The following MRPL48 variants were observed in gnomAD, a reference collection of about 807,000 sequenced individuals.
MRPL48 encodes the protein large ribosomal subunit protein mL48.
A neutral mutation model predicts 32.9 loss-of-function variants in MRPL48; 16 were observed. The ratio of observed to expected loss-of-function variants is 0.49; its 90% CI spans 0.33 to 0.74. MRPL48 has a LOEUF of 0.74. MRPL48 is among the 30% of genes least tolerant of loss of function. The pLI, the probability that MRPL48 is intolerant of heterozygous loss-of-function variation, is 0.02. For missense variants in MRPL48, 206 were observed against 245.3 expected, an observed-to-expected ratio of 0.84 and a Z score of 1.07; for synonymous variants, 94 against 89.2, an observed-to-expected ratio of 1.05 and a Z score of -0.31.
At chr11:73,818,648 G>C (rs1468584097) in intron 3 of MRPL48, among the ~76,000 whole-genome samples, 2 of 152,212 alleles carry the variant, frequency 1.3e-5, no homozygotes, top group South Asian at 2.1e-4. Flanking sequence ...CTGTTGAGTG[G>C]AGAGAATAAC....
chr11:73,856,415 C>T (rs982545949), intron 5 of MRPL48, among the ~76,000 whole-genome samples: 16 of 152,156 alleles, frequency 1.1e-4, no homozygotes, highest in African/African-American at 3.9e-4. Flanking sequence ...AGCTTTTGTT[C>T]TCTAAGTGGT....
At chr11:73,831,129 C>T (rs946649084) in intron 4 of MRPL48, among the ~76,000 whole-genome samples, 10 of 152,178 alleles carry the variant, frequency 6.6e-5, no homozygotes, top group Admixed American at 2.6e-4. Context: ...CATGAGCCAC[C>T]GTGCCCAGCC....
intron 5 of MRPL48, among the ~76,000 whole-genome samples, chr11:73,849,815 G>C (rs1948357974): frequency 6.6e-6 from 1 of 152,164 alleles, no homozygotes; most frequent in South Asian, 2.1e-4. Context: ...AAGAAATCAA[G>C]GCTTGGGCAC....
chr11:73,811,772 C>A (rs1250594612), intron 3 of MRPL48, among the ~76,000 whole-genome samples: 1 of 151,908 alleles, frequency 6.6e-6, no homozygotes, highest in Non-Finnish European at 1.5e-5. Context: ...ACTTTTGCAC[C>A]AACCTAATAC....
chr11:73,831,707 G>A (rs995252364), intron 4 of MRPL48, among the ~76,000 whole-genome samples: 30 of 152,038 alleles, frequency 2.0e-4, no homozygotes, highest in Admixed American at 1.6e-3. Flanking sequence ...TTGGGAGGCC[G>A]AGGGGGGAGG....
At chr11:73,840,538 C>G (rs111297260) in intron 4 of MRPL48, among the ~76,000 whole-genome samples, 12,071 of 152,200 alleles carry the variant, frequency 0.079, 618 homozygotes, top group East Asian at 0.18. Flanking sequence ...CTCGCTCTGT[C>G]ACCCAGGCTA....
At position 73,790,367 on chromosome 11, in the gene MRPL48, A is replaced by AC. The variant is rs1947127993; in HGVS notation, c.21+2378dup. On this transcript the variant is annotated intron_variant, in intron 1 of 7. Transcript: ENST00000310614. ...TGGGATTACAGGTGTGAGCCACCGC[A>AC]CCCGGCCTTTTTTTTTTTTTTTTTT... is the stretch of plus-strand genomic sequence containing the variant. 4.2e-5 allele frequency among the ~76,000 whole-genome samples: 3 copies of AC among 71,026 alleles called. No homozygotes were observed. The South Asian group carries it at 1.6e-3, about 39-fold the overall frequency. The allele number at this position is 71,026 out of a possible 152,430, so 46.6% of individuals were successfully genotyped here. A position where few individuals can be genotyped will look rare whatever the true frequency, so the allele number is the denominator to read the frequency against.
intron 1 of MRPL48, among the ~76,000 whole-genome samples, chr11:73,800,254 A>G (rs2134949714): frequency 6.6e-6 from 1 of 152,258 alleles, no homozygotes; most frequent in East Asian, 1.9e-4. Flanking sequence ...AAAAAAAAAA[A>G]ATTAAAAAGA....
intron 3 of MRPL48, among the ~76,000 whole-genome samples, chr11:73,819,467 A>G (rs999426418): frequency 2.0e-5 from 3 of 152,144 alleles, no homozygotes; most frequent in Non-Finnish European, 2.9e-5. Flanking sequence ...AAAACGTTTT[A>G]TTATATATTG....
At chr11:73,847,645 C>T (rs1442643615) in intron 5 of MRPL48, among the ~76,000 whole-genome samples, 2 of 152,070 alleles carry the variant, frequency 1.3e-5, no homozygotes, top group South Asian at 2.1e-4. Flanking sequence ...GGGGTTTCAC[C>T]GTGTTAGCCA....
intron 3 of MRPL48, among the ~76,000 whole-genome samples, chr11:73,810,464 T>G (rs955359512): frequency 3.3e-5 from 5 of 151,832 alleles, no homozygotes; most frequent in Non-Finnish European, 5.9e-5. Flanking sequence ...GAGGTTGCAG[T>G]GAGCCGAGAT....
intron 4 of MRPL48, chr11:73,842,698 C>G (rs1222949004): frequency 1.3e-5 from 2 of 152,220 alleles, no homozygotes; most frequent in Non-Finnish European, 2.9e-5. Context: ...GTCTCGAACT[C>G]CTGACCTCAT....
At chr11:73,843,208 G>C (rs909323437) in intron 4 of MRPL48, 2 of 150,512 alleles carry the variant, frequency 1.3e-5, no homozygotes, top group African/African-American at 4.9e-5. Flanking sequence ...TTTTTTCCCA[G>C]GCTTTGTTTT....
intron 1 of MRPL48, among the ~76,000 whole-genome samples, chr11:73,803,863 T>C (rs1203858446): frequency 6.6e-6 from 1 of 152,138 alleles, no homozygotes; most frequent in Non-Finnish European, 1.5e-5. Context: ...TTTGTTTTTT[T>C]GTTCTTACCT....
intron 5 of MRPL48, among the ~76,000 whole-genome samples, chr11:73,853,517 G>A (rs1948435028): frequency 6.6e-6 from 1 of 151,898 alleles, no homozygotes; most frequent in Admixed American, 6.6e-5. Flanking sequence ...TATATAATGA[G>A]GATGATAATT....
chr11:73,801,794 G>C (rs1947367549), intron 1 of MRPL48, among the ~76,000 whole-genome samples: 1 of 152,186 alleles, frequency 6.6e-6, no homozygotes, highest in Non-Finnish European at 1.5e-5. Context: ...TGCTTATCTT[G>C]TAAAGGTATT....
At chr11:73,794,429 T>C (rs1472875077) in intron 1 of MRPL48, among the ~76,000 whole-genome samples, 17 of 150,062 alleles carry the variant, frequency 1.1e-4, no homozygotes, top group Admixed American at 1.1e-3. Context: ...GTGGCGCATG[T>C]GTGTAATCCC....
intron 4 of MRPL48, among the ~76,000 whole-genome samples, chr11:73,841,941 G>C (rs571273669): frequency 4.7e-4 from 71 of 152,016 alleles, no homozygotes; most frequent in Admixed American, 1.4e-3. Context: ...TAGTTTTTGG[G>C]GGGGGGTTTG....
chr11:73,797,053 A>T (rs942600962), intron 1 of MRPL48, among the ~76,000 whole-genome samples: 8 of 152,104 alleles, frequency 5.3e-5, no homozygotes, highest in African/African-American at 1.9e-4. Context: ...AAAGAGTGAG[A>T]CTGTCTCAAA....
Sources: gnomAD v4.1 joint callset for allele counts (sites outside exome capture counted in the v4.1 genomes callset) on GRCh38, gnomAD v4.1.1 for gene constraint, MANE v1.5 for transcripts, NCBI Gene and HGNC (gene_info 2026-07-23, HGNC 2026-07-21) for gene names.